The following CATSPERB variants were observed in gnomAD, a reference collection of about 807,000 sequenced individuals.
CATSPERB encodes catsper channel auxiliary subunit beta.
Under a neutral mutation model 128.3 loss-of-function variants are expected in CATSPERB, and 93 were observed. The ratio of observed to expected loss-of-function variants is 0.72; its 90% confidence interval spans 0.61 to 0.86. The LOEUF (loss-of-function observed/expected upper bound fraction) is 0.86, where lower values mean the gene tolerates loss of function less well. Among genes scored for constraint, CATSPERB ranks in the 40% least tolerant of loss-of-function variants. The pLI is 0.00. For synonymous variants in CATSPERB, 381 were observed against 448.8 expected, an observed-to-expected ratio of 0.85 and a Z score of 1.91; for missense variants, 1,153 against 1,329.5, an observed-to-expected ratio of 0.87 and a Z score of 2.06.
intron 11 of CATSPERB, among the ~76,000 whole-genome samples, chr14:91,680,850 C>T (rs1313342045): frequency 6.6e-6 from 1 of 152,102 alleles, no homozygotes; most frequent in African/African-American, 2.4e-5. Flanking sequence ...CAAGAAAAAC[C>T]CTTAAAAACT....
intron 15 of CATSPERB, among the ~76,000 whole-genome samples, chr14:91,648,392 G>A (rs1265058375): frequency 6.6e-6 from 1 of 152,126 alleles, no homozygotes; most frequent in Non-Finnish European, 1.5e-5. Flanking sequence ...TTTAGCTATA[G>A]TATACTACAT....
chr14:91,614,777 C>G (rs1197771048), intron 20 of CATSPERB, among the ~76,000 whole-genome samples: 3 of 152,128 alleles, frequency 2.0e-5, no homozygotes, highest in Non-Finnish European at 2.9e-5. Context: ...GCCTGGGCAT[C>G]AGAGAGAGAC....
At chr14:91,684,477 A>G (rs1397240064) in intron 10 of CATSPERB, among the ~76,000 whole-genome samples, 1 of 152,196 alleles carries the variant, frequency 6.6e-6, no homozygotes. Flanking sequence ...CTGACCTTCA[A>G]ATTTCTGTTG....
At chr14:91,622,891 G>A in intron 18 of CATSPERB, among the ~76,000 whole-genome samples, 1 of 107,526 alleles carries the variant, frequency 9.3e-6, no homozygotes, top group South Asian at 3.3e-4. Context: ...AGTTCTCAAT[G>A]ACTTTTTTTT....
chr14:91,687,575 A>G (rs887048849), intron 10 of CATSPERB, among the ~76,000 whole-genome samples: 1 of 152,162 alleles, frequency 6.6e-6, no homozygotes, highest in African/African-American at 2.4e-5. Context: ...GAACTGTGAG[A>G]AATAAATTTC....
At chr14:91,654,804 G>A (rs1019491146) in intron 15 of CATSPERB, among the ~76,000 whole-genome samples, 6 of 152,164 alleles carry the variant, frequency 3.9e-5, no homozygotes, top group African/African-American at 9.7e-5. Context: ...GGCAAGACCT[G>A]GTGCTGTGCT....
At chr14:91,582,271 A>G in intron 26 of CATSPERB, among the ~76,000 whole-genome samples, 1 of 152,242 alleles carries the variant, frequency 6.6e-6, no homozygotes, top group Non-Finnish European at 1.5e-5. Flanking sequence ...GTTGACAGGA[A>G]TGTTGACAGG....
chr14:91,704,900 TG>T (rs1237561612), intron 6 of CATSPERB, among the ~76,000 whole-genome samples, 199 bp from the exon 7 acceptor site: 1 of 152,224 alleles, frequency 6.6e-6, no homozygotes, highest in Non-Finnish European at 1.5e-5. Context: ...TAATTCCCCT[TG>T]GTGGGGGGCT....
intron 26 of CATSPERB, among the ~76,000 whole-genome samples, chr14:91,581,500 G>GT (rs1289070989): frequency 6.6e-6 from 1 of 152,240 alleles, no homozygotes; most frequent in South Asian, 2.1e-4. Flanking sequence ...TGACGAATAA[G>GT]TAGGTTCACA....
chr14:91,687,545 C>T (rs929720032), intron 10 of CATSPERB, among the ~76,000 whole-genome samples: 1 of 152,198 alleles, frequency 6.6e-6, no homozygotes, highest in Admixed American at 6.5e-5. Context: ...GTGCCTTTAT[C>T]TTGGACTGTC....
chr14:91,672,033 AC>A (rs1895103500), intron 13 of CATSPERB, among the ~76,000 whole-genome samples: 1 of 151,422 alleles, frequency 6.6e-6, no homozygotes, highest in Admixed American at 6.6e-5. Flanking sequence ...AACAACAACA[AC>A]AACAACAACA....
chr14:91,638,660 G>C (rs756328640), intron 16 of CATSPERB, among the ~76,000 whole-genome samples: 32 of 152,070 alleles, frequency 2.1e-4, no homozygotes, highest in African/African-American at 7.0e-4. Flanking sequence ...GGGCTGAAGC[G>C]ATCAACCCAC....
At chr14:91,603,474 C>T in intron 22 of CATSPERB, 1 of 1,336,976 alleles carries the variant, frequency 7.5e-7, no homozygotes. Context: ...ATTCTGCTCC[C>T]TAAGTCTTAA....
At chr14:91,667,228 A>G (rs1461173909) in intron 14 of CATSPERB, among the ~76,000 whole-genome samples, 3 of 152,250 alleles carry the variant, frequency 2.0e-5, no homozygotes, top group Admixed American at 6.5e-5. Flanking sequence ...TAAATACCAC[A>G]AGGAAATTAT....
intron 26 of CATSPERB, among the ~76,000 whole-genome samples, chr14:91,584,163 G>C (rs1442711366): frequency 6.6e-6 from 1 of 152,082 alleles, no homozygotes; most frequent in Non-Finnish European, 1.5e-5. Flanking sequence ...CTGCCTCCTG[G>C]GTTCAAGCAA....
intron 19 of CATSPERB, among the ~76,000 whole-genome samples, chr14:91,619,379 A>G (rs535332078): frequency 3.5e-4 from 54 of 152,176 alleles, no homozygotes; most frequent in Non-Finnish European, 6.3e-4. Context: ...AATAGGGACA[A>G]TTAGTCATAC....
chr14:91,674,039 G>A (rs1566727138), intron 12 of CATSPERB, 137 bp downstream of exon 12: 1 of 576,514 alleles, frequency 1.7e-6, no homozygotes, highest in Non-Finnish European at 3.1e-6. Context: ...AACCCAAGTA[G>A]AAACACCACT....
Position 91,610,466 on chromosome 14 carries a change from A to ATT in CATSPERB, c.2598+12_2598+13dup. ...TTGCTTCTTAAACCAATATACTTAG[A>ATT]TTTTTTTTTTTACCGGCAAAGTTTT... On this transcript the variant is annotated intron_variant, in intron 21 of 26. Coordinates refer to ENST00000256343, the MANE Select transcript of CATSPERB (RefSeq NM_024764.4). 1.7e-5 allele frequency: 20 copies of ATT among 1,195,170 alleles called. No individual in the cohort carries two copies. The highest frequency in any genetic ancestry group is 3.1e-5 in the South Asian group (2 of 65,412). 74.0% of individuals were successfully genotyped at this position (1,195,170 alleles called of 1,614,324 possible). A position where few individuals can be genotyped will look rare whatever the true frequency, so the allele number is the denominator to read the frequency against.
At position 91,691,494 on chromosome 14, in the gene CATSPERB, C is replaced by A. The variant is rs190111189; in HGVS notation, c.864+29G>T. 66 of 1,550,696 alleles carry A rather than the reference C, an allele frequency of 4.3e-5. 2 individuals are homozygous for A. The East Asian group carries it at 1.5e-3, about 35-fold the overall frequency. ...TACCAAGTAAACACATATCTTCTAA[C>A]CAGCCCTGGGAAATATAAAGCTTCT... On this transcript the variant is annotated intron_variant, in intron 10 of 26. Coordinates refer to ENST00000256343, the MANE Select transcript of CATSPERB (RefSeq NM_024764.4).
Sources: allele counts gnomAD v4.1 joint callset (sites outside exome capture counted in the v4.1 genomes callset), GRCh38; gene constraint gnomAD v4.1.1; transcripts MANE v1.5; gene names NCBI Gene and HGNC (gene_info 2026-07-23, HGNC 2026-07-21).